The following DMXL1 variants were observed in gnomAD, a reference collection of about 807,000 sequenced individuals.
DMXL1 encodes dmX-like protein 1.
In DMXL1, 99 loss-of-function variants were observed where a neutral mutation model predicts 319.2. The ratio of observed to expected loss-of-function variants is 0.31; its 90% CI spans 0.26 to 0.37. The LOEUF is 0.37. DMXL1 is among the 10% of genes least tolerant of loss of function. The pLI, the probability that DMXL1 is intolerant of heterozygous loss-of-function variation, is 1.00. For missense variants in DMXL1, 3,745 were observed against 3,595.6 expected (o/e 1.04, Z -1.06); for synonymous variants, 1,385 against 1,235.2 (o/e 1.12, Z -2.54).
At chr5:119,187,750 C>G (rs765480449) in intron 28 of DMXL1, among the ~76,000 whole-genome samples, 8 of 152,130 alleles carry the variant, frequency 5.3e-5, no homozygotes, top group East Asian at 1.9e-4. Context: ...GCAACCTCCC[C>G]CTCCCAGGTT....
chr5:119,162,022 A>C (rs566435601), intron 19 of DMXL1, among the ~76,000 whole-genome samples: 105 of 152,284 alleles, frequency 6.9e-4, no homozygotes, highest in African/African-American at 2.4e-3. Context: ...TTGAGGTGAG[A>C]CCAGCGTGAG....
At chr5:119,163,084 T>C (rs1772611980) in intron 19 of DMXL1, among the ~76,000 whole-genome samples, 1 of 152,214 alleles carries the variant, frequency 6.6e-6, no homozygotes, top group South Asian at 2.1e-4. Context: ...AGAGAATTAC[T>C]GACATAAATG....
chr5:119,122,307 G>A (rs1300489181), intron 9 of DMXL1, among the ~76,000 whole-genome samples: 11 of 144,464 alleles, frequency 7.6e-5, no homozygotes, highest in South Asian at 2.2e-4. Context: ...CTGGCCGGGC[G>A]GGGGGCTGAC....
At chr5:119,132,723 G>C (rs946241881) in intron 10 of DMXL1, 4 of 515,776 alleles carry the variant, frequency 7.8e-6, no homozygotes, top group Non-Finnish European at 1.2e-5. Flanking sequence ...TTGACAATTA[G>C]TCCTATATTG....
intron 33 of DMXL1, among the ~76,000 whole-genome samples, chr5:119,204,147 A>G (rs957015594): frequency 6.6e-6 from 1 of 151,482 alleles, no homozygotes; most frequent in Non-Finnish European, 1.5e-5. Flanking sequence ...GTATTTATTT[A>G]TCTTTTTTGA....
chr5:119,225,473 T>C (rs1162697139), intron 38 of DMXL1, among the ~76,000 whole-genome samples: 1 of 152,034 alleles, frequency 6.6e-6, no homozygotes. Flanking sequence ...TTTTAAGTTA[T>C]GCCCTTCGTC....
rs1340058708 is a variant in DMXL1, at chr5:119,220,902, G to A, written c.8136-38G>A. ...TTTCAAGTGTAAAAAAGAAAGAAAT[G>A]ATGAGTTGTTTTTATTCTGGTTGAC... On this transcript the variant is annotated intron_variant, in intron 36 of 43. Transcript: ENST00000539542. The A allele has an allele frequency of 3.8e-6, 6 of 1,592,458 alleles. No individual in the cohort carries two copies. The East Asian group carries it at 1.1e-4, about 30-fold the overall frequency.
Position 119,149,955 on chromosome 5 carries a change from C to T in DMXL1, c.4128C>T (p.Ile1376=), listed in dbSNP as rs1237967825. The T allele has an allele frequency of 1.2e-6, 2 of 1,613,784 alleles. No individual in the cohort carries two copies. Among genetic ancestry groups the T allele is most frequent in the African/African-American group, 2.7e-5 (2 of 74,900 alleles). Residue 1376 remains isoleucine (I), a synonymous_variant, in exon 18 of 44, where the codon ATC becomes ATT. Transcript: ENST00000539542. ...AACGCCGCCTTAGGTCTCTCACAAT[C>T]AGTGCTAGTGGAAGCACTACCAGAG... ...NHERRLRSLT[I]SASGSTTRDP...
chr5:119,197,042 G>C (rs1002718432), intron 31 of DMXL1, among the ~76,000 whole-genome samples: 1 of 152,216 alleles, frequency 6.6e-6, no homozygotes, highest in Non-Finnish European at 1.5e-5. Context: ...GAGGTAAGTA[G>C]TAGGAATAAC....
intron 19 of DMXL1, among the ~76,000 whole-genome samples, chr5:119,164,058 G>C (rs112423791): frequency 6.6e-6 from 1 of 150,892 alleles, no homozygotes. Flanking sequence ...TCTTTGCAGT[G>C]CTATTCCTAA....
At chr5:119,210,092 G>T (rs945360202) in intron 34 of DMXL1, among the ~76,000 whole-genome samples, 6 of 151,940 alleles carry the variant, frequency 3.9e-5, no homozygotes, top group Non-Finnish European at 8.8e-5. Context: ...CCTCAGGTGT[G>T]CACTAACACA....
chr5:119,201,686 A>C (rs1477309349), intron 32 of DMXL1, among the ~76,000 whole-genome samples: 1 of 152,164 alleles, frequency 6.6e-6, no homozygotes, highest in Non-Finnish European at 1.5e-5. Flanking sequence ...TTGGCTGCGA[A>C]TCCATCTGGT....
In DMXL1 at chr5:119,071,666, G is replaced by A. The variant is rs537025665; in HGVS notation, c.87+10G>A. 140 of 1,576,750 alleles carry A rather than the reference G, an allele frequency of 8.9e-5. No homozygotes were observed. The highest frequency in any genetic ancestry group is 7.6e-4 in the Middle Eastern group (4 of 5,242). On this transcript the variant is annotated intron_variant, in intron 1 of 43. Transcript: ENST00000539542. ...CGACCAGCGCTTCACGGTGAGTGAG[G>A]GAGGCCCTCGCGTCGCCCGTGGCCC...
intron 38 of DMXL1, among the ~76,000 whole-genome samples, chr5:119,229,723 A>G (rs1786307443): frequency 6.6e-6 from 1 of 152,190 alleles, no homozygotes; most frequent in South Asian, 2.1e-4. Flanking sequence ...ACATATATTG[A>G]TTAGAATTCT....
chr5:119,196,510 C>CTTT, intron 31 of DMXL1, 54 bp downstream of exon 31: 1 of 911,126 alleles, frequency 1.1e-6, no homozygotes, highest in Non-Finnish European at 1.6e-6. Context: ...ACTTACTACT[C>CTTT]TGTTGTTTTT....
intron 38 of DMXL1, among the ~76,000 whole-genome samples, chr5:119,226,540 G>T (rs1264815670): frequency 6.6e-6 from 1 of 152,126 alleles, no homozygotes; most frequent in Admixed American, 6.6e-5. Context: ...TACCAGATGT[G>T]TTGGCTTTTG....
chr5:119,083,348 A>G (rs1752637963), intron 1 of DMXL1, among the ~76,000 whole-genome samples: 1 of 152,096 alleles, frequency 6.6e-6, no homozygotes, highest in Non-Finnish European at 1.5e-5. Context: ...ATGGCTGAAT[A>G]ATATTTCATT....
At chr5:119,176,589 A>G (rs994194729) in intron 26 of DMXL1, among the ~76,000 whole-genome samples, 2 of 152,092 alleles carry the variant, frequency 1.3e-5, no homozygotes, top group African/African-American at 4.8e-5. Context: ...GGGAAACTAC[A>G]AAGGCATCAA....
chr5:119,216,732 A>C (rs976380904), intron 34 of DMXL1, among the ~76,000 whole-genome samples, 169 bp from the exon 35 acceptor site: 9 of 152,176 alleles, frequency 5.9e-5, no homozygotes, highest in Admixed American at 2.6e-4. Context: ...TAAATTTCCC[A>C]TGTCAAATTT....
Sources: allele counts gnomAD v4.1 joint callset (sites outside exome capture counted in the v4.1 genomes callset), GRCh38; gene constraint gnomAD v4.1.1; transcripts MANE v1.5; gene names NCBI Gene and HGNC (gene_info 2026-07-23, HGNC 2026-07-21).